SLC24A3: variants seen among roughly 807,000 people sequenced by gnomAD.
SLC24A3 encodes the protein solute carrier family 24 member 3.
In SLC24A3, 28 loss-of-function variants were observed where a neutral mutation model predicts 75.8. The ratio of observed to expected loss-of-function variants is 0.37; its 90% CI spans 0.27 to 0.51. The LOEUF (loss-of-function observed/expected upper bound fraction) is 0.51, where lower values mean the gene tolerates loss of function less well. SLC24A3 is among the 20% of genes least tolerant of loss of function. The probability of loss-of-function intolerance (pLI) is 0.94; values close to 1 mark genes in which losing one functional copy is unlikely to be tolerated. For synonymous variants in SLC24A3, 372 were observed against 334.1 expected (o/e 1.11, Z -1.24); for missense variants, 663 against 847.8 (o/e 0.78, Z 2.71).
At chr20:19,628,581 T>C (rs1312446649) in intron 6 of SLC24A3, among the ~76,000 whole-genome samples, 1 of 152,148 alleles carries the variant, frequency 6.6e-6, no homozygotes, top group Admixed American at 6.5e-5. Context: ...GCCTGGATTT[T>C]GGGGGTGCTT....
chr20:19,584,874 C>T, intron 4 of SLC24A3, 97 bp from the exon 5 acceptor site: 1 of 1,107,136 alleles, frequency 9.0e-7, no homozygotes, highest in Non-Finnish European at 1.3e-6. Context: ...AAGCCCCAGT[C>T]TTTGCTTCTC....
chr20:19,605,232 G>A (rs919922564), intron 6 of SLC24A3, among the ~76,000 whole-genome samples: 18 of 152,200 alleles, frequency 1.2e-4, no homozygotes, highest in African/African-American at 3.9e-4. Flanking sequence ...TGATTGATCA[G>A]ATTTACTTAA....
intron 3 of SLC24A3, among the ~76,000 whole-genome samples, chr20:19,517,424 T>C (rs2030017987): frequency 6.6e-6 from 1 of 152,200 alleles, no homozygotes; most frequent in Admixed American, 6.5e-5. Flanking sequence ...GGGTTCATTT[T>C]TCTTGCTCTT....
intron 2 of SLC24A3, among the ~76,000 whole-genome samples, chr20:19,453,179 C>T (rs1600235505): frequency 6.6e-6 from 1 of 152,164 alleles, no homozygotes; most frequent in African/African-American, 2.4e-5. Flanking sequence ...GACTCTGCCT[C>T]GAACAACAAC....
intron 1 of SLC24A3, among the ~76,000 whole-genome samples, chr20:19,258,572 C>T (rs756301462): frequency 2.6e-5 from 4 of 152,102 alleles, no homozygotes; most frequent in South Asian, 2.1e-4. Flanking sequence ...TTGTGGTGCA[C>T]GTGCCCATAA....
At chr20:19,368,231 C>A (rs905546729) in intron 2 of SLC24A3, among the ~76,000 whole-genome samples, 2 of 152,084 alleles carry the variant, frequency 1.3e-5, no homozygotes, top group Non-Finnish European at 2.9e-5. Context: ...TGGCTGGTGT[C>A]GCTACTGAAG....
intron 2 of SLC24A3, among the ~76,000 whole-genome samples, chr20:19,480,202 A>G (rs1253879245): frequency 2.6e-5 from 4 of 152,148 alleles, no homozygotes; most frequent in African/African-American, 9.7e-5. Context: ...ATGCAGCAGA[A>G]AGTTGCAGTT....
chr20:19,347,585 T>C (rs967451949), intron 2 of SLC24A3, among the ~76,000 whole-genome samples: 2 of 152,182 alleles, frequency 1.3e-5, no homozygotes, highest in Non-Finnish European at 2.9e-5. Context: ...ATTATGTAAA[T>C]TGGAGTTTTA....
At position 19,684,332 on chromosome 20, in the gene SLC24A3, A is replaced by G. The variant is rs773851166; in HGVS notation, c.1058A>G (p.Asn353Ser). 19 of 1,613,276 alleles carry G rather than the reference A, an allele frequency of 1.2e-5. No individual in the cohort carries two copies. The highest frequency in any genetic ancestry group is 5.5e-5 in the South Asian group (5 of 90,912). Residue 353 changes from asparagine to serine, a missense_variant, in exon 11 of 17, where the codon AAT (asparagine) becomes AGT (serine). This residue lies in a region of SLC24A3 where 510 missense variants were observed against 703.6 expected (regional missense o/e 0.72). Coordinates refer to ENST00000328041, the MANE Select transcript of SLC24A3 (RefSeq NM_020689.4). Reference sequence around the variant, plus strand: ...TCCATGGCCAGTCGCATGTTGATCAATGAGGTACCTGGGAAAGCACTGTCC... The same window carrying G: ...TCCATGGCCAGTCGCATGTTGATCAGTGAGGTACCTGGGAAAGCACTGTCC... ...RLSMASRMLI[N>S]ERQRLINSRA...
At chr20:19,672,773 A>G (rs1480432004) in intron 8 of SLC24A3, among the ~76,000 whole-genome samples, 1 of 152,184 alleles carries the variant, frequency 6.6e-6, no homozygotes, top group East Asian at 1.9e-4. Context: ...TTGTGTATGT[A>G]TCCTTTTCAC....
At chr20:19,631,730 T>TA (rs1282385015) in intron 6 of SLC24A3, among the ~76,000 whole-genome samples, 5 of 151,878 alleles carry the variant, frequency 3.3e-5, no homozygotes, top group African/African-American at 7.3e-5. Context: ...CCTAGTAAGG[T>TA]AAAAAAATCT....
intron 2 of SLC24A3, among the ~76,000 whole-genome samples, chr20:19,456,964 T>C (rs1987589189): frequency 6.6e-6 from 1 of 152,176 alleles, no homozygotes; most frequent in African/African-American, 2.4e-5. Context: ...CTTGGAAGCT[T>C]AAATATTAGA....
At chr20:19,305,853 G>A (rs543518551) in intron 2 of SLC24A3, among the ~76,000 whole-genome samples, 1 of 152,122 alleles carries the variant, frequency 6.6e-6, no homozygotes, top group South Asian at 2.1e-4. Flanking sequence ...TAAAAGCAGT[G>A]GCAACAAAAA....
At chr20:19,411,893 G>A (rs1215616070) in intron 2 of SLC24A3, among the ~76,000 whole-genome samples, 2 of 152,118 alleles carry the variant, frequency 1.3e-5, no homozygotes, top group African/African-American at 4.8e-5. Flanking sequence ...CTTCCTTTGT[G>A]TTCATCTCAG....
At chr20:19,523,379 A>G (rs1172723161) in intron 3 of SLC24A3, among the ~76,000 whole-genome samples, 1 of 152,222 alleles carries the variant, frequency 6.6e-6, no homozygotes, top group Non-Finnish European at 1.5e-5. Flanking sequence ...TTACTCTTGG[A>G]AAAGTGCTGA....
intron 2 of SLC24A3, among the ~76,000 whole-genome samples, chr20:19,311,936 T>C (rs973304950): frequency 3.9e-5 from 6 of 152,124 alleles, no homozygotes; most frequent in Non-Finnish European, 8.8e-5. Context: ...TTCCTTCCCA[T>C]GCGCCCTTCC....
At chr20:19,666,041 G>T in intron 8 of SLC24A3, 152 bp downstream of exon 8, 1 of 833,356 alleles carries the variant, frequency 1.2e-6, no homozygotes, top group Non-Finnish European at 1.8e-6. Flanking sequence ...CACACCTCAG[G>T]GGAGAAATTA....
intron 3 of SLC24A3, among the ~76,000 whole-genome samples, chr20:19,530,653 G>A (rs770314329): frequency 1.3e-5 from 2 of 152,198 alleles, no homozygotes; most frequent in African/African-American, 2.4e-5. Flanking sequence ...AAAGAGGAAG[G>A]AGCTCCTGGG....
At chr20:19,642,746 G>A (rs2032090686) in intron 6 of SLC24A3, among the ~76,000 whole-genome samples, 1 of 152,096 alleles carries the variant, frequency 6.6e-6, no homozygotes, top group South Asian at 2.1e-4. Flanking sequence ...CTCCCCCTAT[G>A]TTTTTGACTA....
Sources: allele counts gnomAD v4.1 joint callset (sites outside exome capture counted in the v4.1 genomes callset), GRCh38; gene constraint gnomAD v4.1.1; regional missense constraint gnomAD v4.1.1; transcripts MANE v1.5; gene names NCBI Gene and HGNC (gene_info 2026-07-23, HGNC 2026-07-21).